CDK8: variants seen among roughly 807,000 people sequenced by gnomAD.
The protein encoded by CDK8 is cyclin-dependent kinase 8.
Under a neutral mutation model 71.5 loss-of-function variants are expected in CDK8, and 29 were observed. The ratio of observed to expected loss-of-function variants is 0.41; its 90% CI spans 0.30 to 0.55. The LOEUF is 0.55. CDK8 is among the 20% of genes least tolerant of loss of function. The pLI, the probability that CDK8 is intolerant of heterozygous loss-of-function variation, is 0.37. For missense variants in CDK8, 288 were observed against 572.6 expected, an observed-to-expected ratio of 0.50 and a Z score of 5.07; for synonymous variants, 161 against 192.1, an observed-to-expected ratio of 0.84 and a Z score of 1.34.
intron 2 of CDK8, among the ~76,000 whole-genome samples, chr13:26,348,671 G>A (rs1593279826): frequency 6.6e-6 from 1 of 152,012 alleles, no homozygotes; most frequent in East Asian, 1.9e-4. Context: ...AATGGATTCA[G>A]AGTTTCTGTT....
At position 26,301,212 on chromosome 13, in the gene CDK8, CTTTTTTTTTTTTT is replaced by C. The variant is rs36054795; in HGVS notation, c.129-36345_129-36333del. Among the ~76,000 whole-genome samples, 309 of 92,922 alleles carry C rather than the reference CTTTTTTTTTTTTT, an allele frequency of 3.3e-3. 2 individuals are homozygous for C. Among genetic ancestry groups the C allele is most frequent in the African/African-American group, 0.012 (278 of 23,704 alleles). The allele number at this position is 92,922 out of a possible 152,430, so 61.0% of individuals were successfully genotyped here. On this transcript the variant is annotated intron_variant, in intron 1 of 12. Coordinates refer to ENST00000381527, the MANE Select transcript of CDK8 (RefSeq NM_001260.3). ...CAATAAATCTGCCATTATCAGTAGA[CTTTTTTTTTTTTT>C]TTTTTTTTTGCCTACAGAAAGTCAA...
chr13:26,366,894 C>T (rs1484764137), intron 4 of CDK8, among the ~76,000 whole-genome samples: 1 of 152,180 alleles, frequency 6.6e-6, no homozygotes, highest in African/African-American at 2.4e-5. Context: ...ATTTCACAGA[C>T]TAATAGGCCT....
intron 1 of CDK8, among the ~76,000 whole-genome samples, chr13:26,331,754 G>A (rs56210064): frequency 0.25 from 38,537 of 152,110 alleles, 5,594 homozygotes; most frequent in East Asian, 0.44. Flanking sequence ...GATGCCTCCA[G>A]CTATGTTCTT....
At chr13:26,316,997 A>G (rs1306623629) in intron 1 of CDK8, among the ~76,000 whole-genome samples, 1 of 152,206 alleles carries the variant, frequency 6.6e-6, no homozygotes, top group Non-Finnish European at 1.5e-5. Flanking sequence ...TGGAAATGTC[A>G]ATTAAGAGAT....
intron 1 of CDK8, among the ~76,000 whole-genome samples, chr13:26,262,990 A>C (rs1871840907): frequency 6.6e-6 from 1 of 152,190 alleles, no homozygotes; most frequent in Admixed American, 6.5e-5. Context: ...TGAAGGGCCT[A>C]CTCTGGGTGT....
At chr13:26,380,708 T>G (rs1029388603) in intron 4 of CDK8, among the ~76,000 whole-genome samples, 1 of 152,204 alleles carries the variant, frequency 6.6e-6, no homozygotes, top group African/African-American at 2.4e-5. Context: ...CTTGAGCTCC[T>G]GGACTCTGGC....
intron 1 of CDK8, among the ~76,000 whole-genome samples, chr13:26,295,207 A>G (rs1412854991): frequency 2.0e-5 from 3 of 152,140 alleles, no homozygotes; most frequent in Non-Finnish European, 1.5e-5. Context: ...ATCTGTCTGT[A>G]TTGGCAGATC....
At position 26,277,218 on chromosome 13, in the gene CDK8, A is replaced by T. The variant is rs563423210; in HGVS notation, c.128+22449A>T. Among the ~76,000 whole-genome samples the T allele has an allele frequency of 3.3e-5, 5 of 152,198 alleles. No homozygotes were observed. In the South Asian group the frequency reaches 8.3e-4, roughly 25 times the overall value. On this transcript the variant is annotated intron_variant, in intron 1 of 12. Coordinates refer to ENST00000381527, the MANE Select transcript of CDK8 (RefSeq NM_001260.3). ...CCCCAATTGATGATGTTATATCTAC[A>T]TTATGTTATAAAAGCTCATGCTGTA...
chr13:26,322,343 C>G (rs1473662965), intron 1 of CDK8, among the ~76,000 whole-genome samples: 1 of 152,130 alleles, frequency 6.6e-6, no homozygotes. Flanking sequence ...AATGACCCTG[C>G]CTTGTGAGAT....
chr13:26,301,354 G>A (rs1443418981), intron 1 of CDK8, among the ~76,000 whole-genome samples: 1 of 151,916 alleles, frequency 6.6e-6, no homozygotes, highest in East Asian at 1.9e-4. Flanking sequence ...GAGAACTTGG[G>A]GATTTCAAGG....
rs17083846 is a variant in CDK8, at chr13:26,338,155, T to C, written c.204+513T>C. 4.0e-3 allele frequency among the ~76,000 whole-genome samples: 616 copies of C among 152,226 alleles called. 5 individuals are homozygous for C. The highest frequency in any genetic ancestry group is 0.014 in the African/African-American group (565 of 41,558). ...ATTCCAAAGGGAAGTAGTCTTTGGGTTAATGCATTAATAGTTATCCATACA... is the reference window on the plus strand; with the variant it reads ...ATTCCAAAGGGAAGTAGTCTTTGGGCTAATGCATTAATAGTTATCCATACA... On this transcript the variant is annotated intron_variant, in intron 2 of 12. Coordinates refer to ENST00000381527, the MANE Select transcript of CDK8 (RefSeq NM_001260.3).
intron 1 of CDK8, among the ~76,000 whole-genome samples, chr13:26,324,466 T>C (rs1436374699): frequency 6.6e-6 from 1 of 152,064 alleles, no homozygotes; most frequent in Admixed American, 6.5e-5. Flanking sequence ...TACTTATTTA[T>C]AGTAACACTT....
chr13:26,319,985 C>A (rs530471967), intron 1 of CDK8, among the ~76,000 whole-genome samples: 36 of 152,070 alleles, frequency 2.4e-4, no homozygotes, highest in Non-Finnish European at 4.3e-4. Context: ...ACAGCCCTTT[C>A]AACAAACGGT....
chr13:26,290,263 A>G (rs1873233294), intron 1 of CDK8, among the ~76,000 whole-genome samples: 1 of 152,248 alleles, frequency 6.6e-6, no homozygotes, highest in African/African-American at 2.4e-5. Context: ...AAATCATGCT[A>G]ATTCACTTTT....
At chr13:26,304,676 G>T (rs1401525817) in intron 1 of CDK8, among the ~76,000 whole-genome samples, 3 of 151,632 alleles carry the variant, frequency 2.0e-5, no homozygotes, top group Admixed American at 6.6e-5. Flanking sequence ...TCCCTCTTTT[G>T]CCCAGGCTGG....
intron 1 of CDK8, among the ~76,000 whole-genome samples, chr13:26,322,997 G>A (rs964783765): frequency 1.3e-5 from 2 of 152,062 alleles, no homozygotes. Context: ...TAACTGGATG[G>A]TTGATTCTTG....
intron 4 of CDK8, among the ~76,000 whole-genome samples, chr13:26,356,009 C>G (rs1873881347): frequency 6.6e-6 from 1 of 152,052 alleles, no homozygotes; most frequent in South Asian, 2.1e-4. Flanking sequence ...TACCGAGTTT[C>G]TTTTATCTCT....
chr13:26,352,181 G>A (rs1873707427), intron 3 of CDK8, among the ~76,000 whole-genome samples: 1 of 150,238 alleles, frequency 6.7e-6, no homozygotes, highest in Middle Eastern at 3.4e-3. Flanking sequence ...TTTTTATTAA[G>A]CTTGGAGAGA....
At chr13:26,315,478 C>CA (rs1354752194) in intron 1 of CDK8, among the ~76,000 whole-genome samples, 1 of 152,022 alleles carries the variant, frequency 6.6e-6, no homozygotes, top group African/African-American at 2.4e-5. Context: ...TAATGATAAG[C>CA]AAAAATAGTC....
Sources: allele counts gnomAD v4.1 joint callset (sites outside exome capture counted in the v4.1 genomes callset), GRCh38; gene constraint gnomAD v4.1.1; transcripts MANE v1.5; gene names NCBI Gene and HGNC (gene_info 2026-07-23, HGNC 2026-07-21).